ACER3: variants seen among roughly 807,000 people sequenced by gnomAD.
ACER3 encodes the protein alkaline ceramidase 3.
ACER3 carries 16 observed loss-of-function variants against 48.9 expected under a neutral mutation model. The observed-to-expected ratio is 0.33, with a 90% CI of 0.22 to 0.50. The LOEUF (loss-of-function observed/expected upper bound fraction) is 0.50. Among genes scored for constraint, ACER3 ranks in the 20% least tolerant of loss-of-function variants. The pLI, the probability that ACER3 is intolerant of heterozygous loss-of-function variation, is 0.98. For synonymous variants in ACER3, 109 were observed against 107.8 expected (o/e 1.01, Z -0.07); for missense variants, 227 against 326.0 (o/e 0.70, Z 2.34).
At chr11:76,862,747 C>T (rs1215473000) in intron 1 of ACER3, among the ~76,000 whole-genome samples, 1 of 152,116 alleles carries the variant, frequency 6.6e-6, no homozygotes, top group Non-Finnish European at 1.5e-5. Context: ...AACCTTCTCA[C>T]CAATGATATG....
chr11:76,967,389 G>A (rs1948167458), intron 3 of ACER3, among the ~76,000 whole-genome samples: 3 of 152,148 alleles, frequency 2.0e-5, no homozygotes, highest in South Asian at 4.1e-4. Context: ...ACAAGGAGAA[G>A]CTGGTACCAT....
intron 1 of ACER3, among the ~76,000 whole-genome samples, chr11:76,879,035 T>C (rs1255355501): frequency 1.3e-5 from 2 of 152,100 alleles, no homozygotes; most frequent in Non-Finnish European, 2.9e-5. Flanking sequence ...CATTGAGTAA[T>C]AGGGGCTCCT....
At chr11:76,976,419 A>AT in intron 4 of ACER3, 78 bp downstream of exon 4, 22 of 745,800 alleles carry the variant, frequency 2.9e-5, no homozygotes, top group Non-Finnish European at 4.3e-5. Context: ...TATAACTGAT[A>AT]CATTTATATT....
At chr11:76,861,137 C>T in intron 1 of ACER3, 58 bp downstream of exon 1, 1 of 1,478,128 alleles carries the variant, frequency 6.8e-7, no homozygotes, top group African/African-American at 1.4e-5. Flanking sequence ...GAGGAGACGC[C>T]GTGTGAGGAA....
At position 76,979,076 on chromosome 11, in the gene ACER3, G is replaced by A. The variant is rs555792586; in HGVS notation, c.320+2735G>A. 4.1e-4 allele frequency among the ~76,000 whole-genome samples: 63 copies of A among 152,322 alleles called. No homozygotes were observed. The South Asian group carries it at 7.0e-3, about 17-fold the overall frequency. On this transcript the variant is annotated intron_variant, in intron 4 of 10. Coordinates refer to ENST00000532485, the MANE Select transcript of ACER3 (RefSeq NM_018367.7). ...TGAGCCAAGTGCAGCCTGCCAGGCC[G>A]AGTGGGCAGAATGAGCCCAGTGGGC...
At chr11:76,913,121 C>G (rs1438246563) in intron 1 of ACER3, among the ~76,000 whole-genome samples, 1 of 152,138 alleles carries the variant, frequency 6.6e-6, no homozygotes, top group Non-Finnish European at 1.5e-5. Context: ...ATTTTATTCT[C>G]TTTGAAGCAA....
intron 2 of ACER3, among the ~76,000 whole-genome samples, chr11:76,952,189 AGAT>A (rs1947689982): frequency 6.6e-6 from 1 of 151,918 alleles, no homozygotes; most frequent in African/African-American, 2.4e-5. Context: ...AAAATTAGCC[AGAT>A]GATAAAAATT....
intron 6 of ACER3, chr11:76,998,450 AT>A: frequency 3.3e-6 from 1 of 300,288 alleles, no homozygotes; most frequent in Non-Finnish European, 6.1e-6. Context: ...GGAGCTAAAG[AT>A]TATGAGGCAA....
chr11:76,954,703 T>A (rs552051405), intron 2 of ACER3, among the ~76,000 whole-genome samples: 11 of 151,674 alleles, frequency 7.3e-5, no homozygotes, highest in Non-Finnish European at 1.0e-4. Context: ...CAGGCTCAAG[T>A]GATCCTCCCA....
chr11:77,012,870 A>G (rs1555022517), intron 7 of ACER3, among the ~76,000 whole-genome samples: 1 of 152,204 alleles, frequency 6.6e-6, no homozygotes, highest in African/African-American at 2.4e-5. Context: ...GAGGGCTTGC[A>G]TGACTTGACT....
chr11:76,886,924 C>T (rs566764064), intron 1 of ACER3, among the ~76,000 whole-genome samples: 3 of 152,168 alleles, frequency 2.0e-5, no homozygotes, highest in Non-Finnish European at 2.9e-5. Context: ...GCAATCCTCC[C>T]GCCTTGGCCT....
chr11:76,963,867 GTCTAC>G (rs1291151204), intron 3 of ACER3, among the ~76,000 whole-genome samples: 1 of 151,492 alleles, frequency 6.6e-6, no homozygotes, highest in Non-Finnish European at 1.5e-5. Flanking sequence ...AACAGCTCCA[GTCTAC>G]AACTCTCGGC....
At chr11:76,992,422 T>G (rs1288978893) in intron 6 of ACER3, among the ~76,000 whole-genome samples, 1 of 152,168 alleles carries the variant, frequency 6.6e-6, no homozygotes, top group Non-Finnish European at 1.5e-5. Flanking sequence ...AAAAAACAAC[T>G]CTTACTAAGT....
intron 2 of ACER3, among the ~76,000 whole-genome samples, chr11:76,943,212 G>T (rs1037404479): frequency 2.6e-5 from 4 of 151,714 alleles, no homozygotes; most frequent in Admixed American, 6.6e-5. Flanking sequence ...CTTTGGGTTT[G>T]GTTTGTTCTT....
At chr11:76,868,150 A>C (rs1565149825) in intron 1 of ACER3, 1 of 1,289,728 alleles carries the variant, frequency 7.8e-7, no homozygotes, top group Admixed American at 2.3e-5. Context: ...CTGAAGAGCA[A>C]CCTCAAGTTA....
At chr11:76,949,840 A>G (rs143142483) in intron 2 of ACER3, among the ~76,000 whole-genome samples, 220 of 152,242 alleles carry the variant, frequency 1.4e-3, no homozygotes, top group African/African-American at 5.1e-3. Flanking sequence ...CTATTTGAAA[A>G]TCTATATTCC....
At chr11:76,924,047 C>G (rs1946753623) in intron 1 of ACER3, among the ~76,000 whole-genome samples, 1 of 152,094 alleles carries the variant, frequency 6.6e-6, no homozygotes, top group Non-Finnish European at 1.5e-5. Flanking sequence ...CCTGAACTCC[C>G]CGCTTTGTTT....
At chr11:76,976,658 G>A (rs1470451271) in intron 4 of ACER3, among the ~76,000 whole-genome samples, 13 of 152,198 alleles carry the variant, frequency 8.5e-5, no homozygotes, top group Non-Finnish European at 1.5e-5. Context: ...AAAGTTTTCA[G>A]ATACAGTTTC....
chr11:76,998,885 T>C, intron 7 of ACER3, 64 bp downstream of exon 7: 2 of 1,294,896 alleles, frequency 1.5e-6, no homozygotes, highest in Admixed American at 2.7e-5. Context: ...AGTAAATCTA[T>C]AGCCTAAATC....
Sources: allele counts gnomAD v4.1 joint callset (sites outside exome capture counted in the v4.1 genomes callset), GRCh38; gene constraint gnomAD v4.1.1; transcripts MANE v1.5; gene names NCBI Gene and HGNC (gene_info 2026-07-23, HGNC 2026-07-21).